CROCC2: variants seen among roughly 807,000 people sequenced by gnomAD.
CROCC2 encodes the protein ciliary rootlet coiled-coil protein 2.
Under a neutral mutation model 177.6 loss-of-function variants are expected in CROCC2, and 163 were observed. The observed-to-expected ratio is 0.92, with a 90% CI of 0.81 to 1.05. The LOEUF is 1.05. CROCC2 is among the 50% of genes least tolerant of loss of function. The probability of loss-of-function intolerance (pLI) is 0.00; values close to 1 mark genes in which losing one functional copy is unlikely to be tolerated. For synonymous variants in CROCC2, 904 were observed against 787.3 expected (o/e 1.15, Z -2.48); for missense variants, 1,929 against 1,797.8 (o/e 1.07, Z -1.32).
At chr2:240,986,138 G>A (rs2059839163) in intron 28 of CROCC2, 2 of 350,510 alleles carry the variant, frequency 5.7e-6, no homozygotes, top group South Asian at 2.1e-5. Context: ...CACCGCGACT[G>A]GCTCACAAAC....
rs1479848983 is a variant in CROCC2 at position 240,917,201 on chromosome 2, G to C, written c.79-1525G>C. On this transcript the variant is annotated intron_variant, in intron 1 of 31. Coordinates refer to ENST00000690015, the MANE Select transcript of CROCC2 (RefSeq NM_001351305.2). The surrounding 1 kb of genome is among the most constrained non-coding windows in gnomAD (Gnocchi z 4.9). Reference sequence around the variant, plus strand: ...CTCAGCTGATAGTGGGGAGGCGTTTGCTGAGTGGCTGCCCTTTGCAGGGCA... The same window carrying C: ...CTCAGCTGATAGTGGGGAGGCGTTTCCTGAGTGGCTGCCCTTTGCAGGGCA... Among the ~76,000 whole-genome samples the C allele has an allele frequency of 2.0e-5, 3 of 151,558 alleles. No individual in the cohort carries two copies. Among genetic ancestry groups the C allele is most frequent in the African/African-American group, 7.3e-5 (3 of 40,936 alleles).
chr2:240,928,408 T>C lies in CROCC2; in HGVS notation c.646-1758T>C, dbSNP rs187601235. 5.1e-3 allele frequency among the ~76,000 whole-genome samples: 701 copies of C among 138,592 alleles called. 35 individuals are homozygous for C. The East Asian group carries it at 0.13, about 26-fold the overall frequency. The allele number at this position is 138,592 out of a possible 152,430, so 90.9% of individuals were successfully genotyped here. The stretch of plus-strand genomic sequence containing the variant: ...TTCCTTATAATCTCTTGCAGGGTCA[T>C]GTGTGCCTGTTTTGTGTGTGTGTGT... On this transcript the variant is annotated intron_variant, in intron 5 of 31. Coordinates refer to ENST00000690015, the MANE Select transcript of CROCC2 (RefSeq NM_001351305.2).
intron 14 of CROCC2, among the ~76,000 whole-genome samples, chr2:240,943,379 T>C (rs1056216370): frequency 1.3e-5 from 2 of 152,170 alleles, no homozygotes; most frequent in Non-Finnish European, 2.9e-5. Context: ...GCTCTTCTTT[T>C]CGTTCCCCGG....
chr2:240,923,270 C>T (rs2059368985), intron 4 of CROCC2, among the ~76,000 whole-genome samples: 1 of 151,852 alleles, frequency 6.6e-6, no homozygotes, highest in African/African-American at 2.4e-5. Flanking sequence ...GACAGAGCCC[C>T]CCCCGCCACC....
intron 27 of CROCC2, among the ~76,000 whole-genome samples, chr2:240,968,573 G>A (rs1000118795): frequency 6.6e-6 from 1 of 152,228 alleles, no homozygotes; most frequent in Non-Finnish European, 1.5e-5. Context: ...ACAGCGAGTG[G>A]GGGGCAGAGC....
At chr2:240,941,420 C>T (rs956658844) in intron 14 of CROCC2, among the ~76,000 whole-genome samples, 2 of 152,190 alleles carry the variant, frequency 1.3e-5, no homozygotes, top group African/African-American at 4.8e-5. Flanking sequence ...CATTACCCAA[C>T]TTCAAACTAT....
chr2:240,915,128 G>A (rs1442061820), intron 1 of CROCC2, among the ~76,000 whole-genome samples: 5 of 152,176 alleles, frequency 3.3e-5, no homozygotes, highest in Non-Finnish European at 7.4e-5. Flanking sequence ...CGTGTCCCTG[G>A]CCTCAGTTTC....
intron 27 of CROCC2, among the ~76,000 whole-genome samples, chr2:240,974,534 C>CTTTTTTTTTT (rs61276773): frequency 2.2e-5 from 3 of 134,910 alleles, no homozygotes; most frequent in Non-Finnish European, 4.7e-5. Flanking sequence ...TCTTTTTTTT[C>CTTTTTTTTTT]TTTTTTTTTT....
intron 14 of CROCC2, among the ~76,000 whole-genome samples, chr2:240,942,691 G>A (rs911748759): frequency 1.3e-5 from 2 of 152,102 alleles, no homozygotes; most frequent in East Asian, 3.9e-4. Context: ...GGATTTAGCT[G>A]CTTTGTAACT....
At chr2:240,924,969 TCACACTGACCCGGCCCC>T (rs2059385902) in intron 4 of CROCC2, among the ~76,000 whole-genome samples, 1 of 5,480 alleles carries the variant, frequency 1.8e-4, no homozygotes, top group Non-Finnish European at 3.5e-4. Flanking sequence ...ACCCGGCCCC[TCACACTGACCCGGCCCC>T]CACACTGACC....
Position 240,989,709 on chromosome 2 carries a change from C to T in CROCC2, c.4739C>T (p.Ala1580Val). ...ACCCAGCGGCTCCAGGACCTGACAG[C>T]TCAGCACCAGCGGGACCTGGCCACA... ...AHTQRLQDLTAQHQRDLATEA... is the reference protein window; with the variant it reads ...AHTQRLQDLTVQHQRDLATEA... The change falls in exon 30 of 32, where the codon GCT becomes GTT. Residue 1580 changes from alanine to valine, a missense_variant. Around this residue, in one of 3 missense-constraint regions of CROCC2, gnomAD observed 388 missense variants for 352.7 expected, o/e 1.10. Coordinates refer to ENST00000690015, the MANE Select transcript of CROCC2 (RefSeq NM_001351305.2). The T allele has an allele frequency of 6.4e-7, 1 of 1,550,394 alleles. No homozygotes were observed. The highest frequency in any genetic ancestry group is 8.7e-7 in the Non-Finnish European group (1 of 1,146,874).
At chr2:240,992,093 G>C (rs2059883709) in intron 31 of CROCC2, among the ~76,000 whole-genome samples, 1 of 152,238 alleles carries the variant, frequency 6.6e-6, no homozygotes, top group Non-Finnish European at 1.5e-5. Flanking sequence ...ACTCCGGCTG[G>C]GTTGCTATGG....
chr2:240,955,769 G>C, intron 18 of CROCC2, 90 bp from the exon 19 acceptor site: 1 of 861,774 alleles, frequency 1.2e-6, no homozygotes. Flanking sequence ...TCTGCACTCA[G>C]CATTCTGCCA....
intron 5 of CROCC2, 136 bp from the exon 6 acceptor site, chr2:240,930,030 G>C (rs1251807893): frequency 1.9e-6 from 1 of 532,324 alleles, no homozygotes; most frequent in Non-Finnish European, 3.5e-6. Context: ...TCATTTGCCT[G>C]TGAGATATGG....
At chr2:240,923,072 C>A (rs77834814) in intron 4 of CROCC2, among the ~76,000 whole-genome samples, 6 of 152,070 alleles carry the variant, frequency 3.9e-5, no homozygotes. Context: ...ACCCCTCCCC[C>A]GCTCCACAGG....
chr2:240,926,699 G>A (rs1439596559), intron 5 of CROCC2, among the ~76,000 whole-genome samples: 1 of 152,258 alleles, frequency 6.6e-6, no homozygotes, highest in Non-Finnish European at 1.5e-5. Flanking sequence ...TGTCCCAGAG[G>A]GGCCGCCACT....
intron 8 of CROCC2, 114 bp downstream of exon 8, chr2:240,932,528 G>A (rs1476506366): frequency 7.1e-6 from 5 of 699,912 alleles, no homozygotes; most frequent in Non-Finnish European, 2.7e-6. Context: ...GGGCAAGGTG[G>A]GGTCCCTGCA....
chr2:240,948,535 C>G (rs1559600708), intron 15 of CROCC2, among the ~76,000 whole-genome samples: 2 of 152,344 alleles, frequency 1.3e-5, no homozygotes, highest in South Asian at 4.1e-4. Context: ...GGGCAGCGAA[C>G]AGCAACAATG....
Position 240,930,768 on chromosome 2 carries a change from G to A in CROCC2, c.750-163G>A, listed in dbSNP as rs993903764. Among the ~76,000 whole-genome samples, 3 of 152,152 alleles carry A rather than the reference G, an allele frequency of 2.0e-5. No homozygotes were observed. The East Asian group carries it at 5.8e-4, about 29-fold the overall frequency. The stretch of plus-strand genomic sequence containing the variant: ...TGCCCCTGCTCACTCCTCCCCAGCT[G>A]CCTTCCTGGTGTTTGGTGACACATG... On this transcript the variant is annotated intron_variant, in intron 6 of 31. Coordinates refer to ENST00000690015, the MANE Select transcript of CROCC2 (RefSeq NM_001351305.2).
Sources: gnomAD v4.1 joint callset for allele counts (sites outside exome capture counted in the v4.1 genomes callset) on GRCh38, gnomAD v4.1.1 for gene constraint, gnomAD v4.1.1 regional missense constraint, Gnocchi (gnomAD v3.1) non-coding constraint, MANE v1.5 for transcripts, NCBI Gene and HGNC (gene_info 2026-07-23, HGNC 2026-07-21) for gene names.